Variants in KIF18B observed in about 807,000 individuals in gnomAD.
The protein encoded by KIF18B is kinesin-like protein KIF18B.
KIF18B carries 49 observed loss-of-function variants against 80.9 expected under a neutral mutation model. The ratio of observed to expected loss-of-function variants is 0.61; its 90% CI spans 0.48 to 0.77. The LOEUF is 0.77. Ranked by LOEUF, KIF18B falls within the 30% of genes least tolerant of loss-of-function variation. KIF18B has a pLI of 0.00. For missense variants in KIF18B, 994 were observed against 1,127.7 expected (o/e 0.88, Z 1.70); for synonymous variants, 439 against 463.9 (o/e 0.95, Z 0.69).
chr17:44,926,861 G>A (rs989046139), intron 14 of KIF18B, 128 bp downstream of exon 14: 3 of 797,026 alleles, frequency 3.8e-6, no homozygotes, highest in Non-Finnish European at 4.1e-6. Context: ...CCTGCTCACA[G>A]GACCTCAGCT....
Position 44,931,637 on chromosome 17 carries a change from G to T in KIF18B, c.1482C>A (p.Phe494Leu), listed in dbSNP as rs759606901. Residue 494 changes from phenylalanine (F) to leucine (L), a missense_variant, in exon 11 of 16, where the codon TTC becomes TTA. By Grantham distance (22) the Phe-to-Leu change is conservative (BLOSUM62 0). Coordinates refer to ENST00000593135, the MANE Select transcript of KIF18B (RefSeq NM_001265577.2). Reference sequence around the variant, plus strand: ...GGTCCCCATCCAGTTCCCGTGCTGAGAAGTGGCCCACGACTGGCTTGGGCT... The same window carrying T: ...GGTCCCCATCCAGTTCCCGTGCTGATAAGTGGCCCACGACTGGCTTGGGCT... Reference protein sequence around the residue: ...TLQPKPVVGHFSARELDGDRS... With the variant: ...TLQPKPVVGHLSARELDGDRS... 1.2e-6 allele frequency: 2 copies of T among 1,614,006 alleles called. No homozygotes were observed. Among genetic ancestry groups the T allele is most frequent in the Non-Finnish European group, 1.7e-6 (2 of 1,179,902 alleles).
At chr17:44,946,117 G>C (rs927653550) in intron 1 of KIF18B, among the ~76,000 whole-genome samples, 1 of 151,588 alleles carries the variant, frequency 6.6e-6, no homozygotes, top group African/African-American at 2.4e-5. Context: ...TATGTAAAAA[G>C]ATTATGTTTT....
intron 1 of KIF18B, among the ~76,000 whole-genome samples, chr17:44,943,812 A>G (rs2052463326): frequency 6.6e-6 from 1 of 152,138 alleles, no homozygotes; most frequent in African/African-American, 2.4e-5. Context: ...GGCTCGAGCC[A>G]TCTTCCCACT....
rs756270961 is a variant in KIF18B, at chr17:44,932,173, A to T, written c.1272T>A (p.Pro424=). ...CCAGACTCTCCTCTTGAAGGGCTCTAGGCCCTGCAGGGAGCTCTGGGGTGC... is the reference window on the plus strand; with the variant it reads ...CCAGACTCTCCTCTTGAAGGGCTCTTGGCCCTGCAGGGAGCTCTGGGGTGC... ...QPCTPELPAG[P]RALQEESLGM... Residue 424 remains proline (P), a synonymous_variant, in exon 10 of 16, where the codon CCT becomes CCA. Coordinates refer to ENST00000593135, the MANE Select transcript of KIF18B (RefSeq NM_001265577.2). 1.2e-6 allele frequency: 2 copies of T among 1,612,738 alleles called. No individual in the cohort carries two copies. The highest frequency in any genetic ancestry group is 1.7e-6 in the Non-Finnish European group (2 of 1,179,276).
intron 1 of KIF18B, among the ~76,000 whole-genome samples, chr17:44,946,597 T>C (rs937478998): frequency 6.6e-5 from 10 of 152,218 alleles, no homozygotes; most frequent in African/African-American, 2.4e-4. Flanking sequence ...GCTCAATAGA[T>C]ATTAGTATCA....
intron 12 of KIF18B, 80 bp downstream of exon 12, chr17:44,928,739 C>A: frequency 6.8e-7 from 1 of 1,475,022 alleles, no homozygotes; most frequent in Admixed American, 2.1e-5. Context: ...CAACTGAGGC[C>A]CCTGGACACC....
rs752683262 is a variant in KIF18B at position 44,934,266 on chromosome 17, G to A, written c.852C>T (p.Leu284=). The A allele has an allele frequency of 2.3e-5, 37 of 1,612,830 alleles. No homozygotes were observed. The Middle Eastern group carries it at 6.6e-4, about 29-fold the overall frequency. Residue 284 remains leucine (L), a synonymous_variant, in exon 6 of 16, where the codon CTC becomes CTT. Coordinates refer to ENST00000593135, the MANE Select transcript of KIF18B (RefSeq NM_001265577.2). The surrounding 1 kb of genome is among the most constrained non-coding windows in gnomAD (Gnocchi z 5.4). ...CGGCCAAGGCATTGAGGACGTTGAT[G>A]AGCGCCAGCAGAGAGCGGTTGATGT... ...GANINRSLLA[L]INVLNALADA...
At chr17:44,931,203 A>G (rs1206474524) in intron 11 of KIF18B, among the ~76,000 whole-genome samples, 1 of 152,220 alleles carries the variant, frequency 6.6e-6, no homozygotes, top group East Asian at 1.9e-4. Context: ...AGATACATGA[A>G]AAACACTGGC....
chr17:44,947,113 C>CAAAAAAAAAAAAAAAA (rs57955845), intron 1 of KIF18B, among the ~76,000 whole-genome samples: 37 of 54,010 alleles, frequency 6.9e-4, no homozygotes, highest in African/African-American at 1.2e-3. Context: ...ACTCCATCTC[C>CAAAAAAAAAAAAAAAA]AAAAAAAAAA....
chr17:44,935,096 C>T (rs1348868564), intron 3 of KIF18B, among the ~76,000 whole-genome samples, 161 bp from the exon 4 acceptor site: 5 of 152,098 alleles, frequency 3.3e-5, no homozygotes, highest in East Asian at 1.9e-4. Context: ...GGTGAACAGG[C>T]GGGTGTCTCT....
Position 44,925,257 on chromosome 17 carries a change from C to CT in KIF18B, c.*822dup, listed in dbSNP as rs2052001922. ...TGAGGTCAGATCGAGACCAGCCTGG[C>CT]TAACACGGTGAAACCCCATCTCTAC... On this transcript the variant is annotated 3_prime_UTR_variant, in exon 16 of 16. Coordinates refer to ENST00000593135, the MANE Select transcript of KIF18B (RefSeq NM_001265577.2). 1 of 152,202 alleles carries CT rather than the reference C, an allele frequency of 6.6e-6. No homozygotes were observed. The highest frequency in any genetic ancestry group is 1.5e-5 in the Non-Finnish European group (1 of 68,106). 9.4% of individuals were successfully genotyped at this position (152,202 alleles called of 1,614,324 possible). A position where few individuals can be genotyped will look rare whatever the true frequency, so the allele number is the denominator to read the frequency against.
Position 44,926,991 on chromosome 17 carries a change from C to G in KIF18B, c.2364G>C (p.Ala788=). 6.2e-7 allele frequency: 1 copy of G among 1,607,832 alleles called. No homozygotes were observed. The highest frequency in any genetic ancestry group is 1.1e-5 in the South Asian group (1 of 89,456). The change falls in exon 14 of 16, where the codon GCG becomes GCC. Residue 788 remains alanine (A), a splice_region_variant and synonymous_variant. Coordinates refer to ENST00000593135, the MANE Select transcript of KIF18B (RefSeq NM_001265577.2). Reference sequence around the variant, plus strand: ...AGCTGACACCTCCCAAACCTCACCTCGCAACGCGCTTCTTCTTGCAGGCAG... The same window carrying G: ...AGCTGACACCTCCCAAACCTCACCTGGCAACGCGCTTCTTCTTGCAGGCAG... ...GTSACKKKRV[A]SSSVSHGRSR...
chr17:44,931,687 G>A lies in KIF18B; in HGVS notation c.1432C>T (p.Pro478Ser), dbSNP rs1383539311. The A allele has an allele frequency of 2.5e-6, 4 of 1,614,018 alleles. No homozygotes were observed. In the Admixed American group the frequency reaches 6.7e-5, roughly 27 times the overall value. ...MPEQNPTHAL[P>S]ESPRLTLQPK... is the part of the protein sequence containing the mutation. ...TGCAGGGTCAGGCGAGGGGACTCTG[G>A]CAGTGCATGTGTGGGGTTCTGCTCT... The change falls in exon 11 of 16, where the codon CCA becomes TCA. Residue 478 changes from proline to serine, a missense_variant. Pro to Ser is a moderately conservative substitution (Grantham distance 74). Transcript: ENST00000593135.
chr17:44,943,852 G>T (rs1276029356), intron 1 of KIF18B, among the ~76,000 whole-genome samples: 1 of 152,082 alleles, frequency 6.6e-6, no homozygotes, highest in Non-Finnish European at 1.5e-5. Flanking sequence ...CCCAGTAGCT[G>T]GGACCACAGG....
rs1348945265 is a variant in KIF18B, at chr17:44,927,686, G to C, written c.2276+340C>G. Among the ~76,000 whole-genome samples, 2 of 152,254 alleles carry C rather than the reference G, an allele frequency of 1.3e-5. No homozygotes were observed. Among genetic ancestry groups the C allele is most frequent in the Non-Finnish European group, 2.9e-5 (2 of 68,042 alleles). On this transcript the variant is annotated intron_variant, in intron 13 of 15. Transcript: ENST00000593135. This position sits in a 1 kb window ranked among gnomAD's most constrained non-coding sequence, Gnocchi z 4.1. ...ATGCAGCCCAGGCCAAAGAGCCCAA[G>C]TAAAGAGAGGAACAGAAGTGTTGGG... is the stretch of plus-strand genomic sequence containing the variant.
intron 2 of KIF18B, 107 bp downstream of exon 2, chr17:44,935,925 G>A (rs1002463619): frequency 2.7e-5 from 26 of 950,062 alleles, no homozygotes; most frequent in Admixed American, 9.6e-5. Context: ...TTAGTAAATC[G>A]TGCCCAGCTT....
intron 9 of KIF18B, 31 bp from the exon 10 acceptor site, chr17:44,932,237 G>A (rs764763428): frequency 1.3e-6 from 2 of 1,563,862 alleles, no homozygotes; most frequent in East Asian, 2.3e-5. Flanking sequence ...GGGGGAGCTG[G>A]GAAGGCTAAG....
chr17:44,934,102 G>C lies in KIF18B; in HGVS notation c.886-3C>G. On this transcript the variant is annotated splice_region_variant and splice_polypyrimidine_tract_variant and intron_variant, in intron 6 of 15. Coordinates refer to ENST00000593135, the MANE Select transcript of KIF18B (RefSeq NM_001265577.2). This position sits in a 1 kb window ranked among gnomAD's most constrained non-coding sequence, Gnocchi z 5.4. The stretch of plus-strand genomic sequence containing the variant: ...TAGGGCACATGGGTCTTGCGGCCCT[G>C]GGGGGCAGTAAGCAGGTGTGGGGTG... The C allele has an allele frequency of 6.2e-7, 1 of 1,611,172 alleles. No individual in the cohort carries two copies. The highest frequency in any genetic ancestry group is 8.5e-7 in the Non-Finnish European group (1 of 1,179,064).
Position 44,931,658 on chromosome 17 carries a change from G to A in KIF18B, c.1461C>T (p.Pro487=). 1 of 1,614,016 alleles carries A rather than the reference G, an allele frequency of 6.2e-7. No individual in the cohort carries two copies. The highest frequency in any genetic ancestry group is 8.5e-7 in the Non-Finnish European group (1 of 1,179,906). The change falls in exon 11 of 16, where the codon CCC becomes CCT. Residue 487 remains proline (P), a synonymous_variant. Coordinates refer to ENST00000593135, the MANE Select transcript of KIF18B (RefSeq NM_001265577.2). The part of the protein sequence containing the change: ...LPESPRLTLQ[P]KPVVGHFSAR... ...CTGAGAAGTGGCCCACGACTGGCTT[G>A]GGCTGCAGGGTCAGGCGAGGGGACT...
Sources: gnomAD v4.1 joint callset for allele counts (sites outside exome capture counted in the v4.1 genomes callset) on GRCh38, gnomAD v4.1.1 for gene constraint, Gnocchi (gnomAD v3.1) non-coding constraint, MANE v1.5 for transcripts, NCBI Gene and HGNC (gene_info 2026-07-23, HGNC 2026-07-21) for gene names.